CASC3: variants seen among roughly 807,000 people sequenced by gnomAD.
CASC3 encodes the protein protein CASC3.
In CASC3, 30 loss-of-function variants were observed where a neutral mutation model predicts 80.5. That is an observed-to-expected ratio of 0.37 (90% CI 0.28 to 0.51). The LOEUF is 0.51. CASC3 is among the 20% of genes least tolerant of loss of function. The pLI, the probability that CASC3 is intolerant of heterozygous loss-of-function variation, is 0.94. For synonymous variants in CASC3, 312 were observed against 333.6 expected, an observed-to-expected ratio of 0.94 and a Z score of 0.70; for missense variants, 824 against 922.2, an observed-to-expected ratio of 0.89 and a Z score of 1.38.
At chr17:40,144,658 C>CTTT (rs939136950) in intron 3 of CASC3, among the ~76,000 whole-genome samples, 4 of 119,114 alleles carry the variant, frequency 3.4e-5, no homozygotes, top group Non-Finnish European at 5.2e-5. Flanking sequence ...GCCCAGCCCT[C>CTTT]TTTTTTTTTT....
chr17:40,164,750 C>CTTTTTTTTT lies in CASC3; in HGVS notation c.1471+599_1471+607dup, dbSNP rs1022035416. 1.4e-3 allele frequency among the ~76,000 whole-genome samples: 105 copies of CTTTTTTTTT among 74,438 alleles called. 15 individuals are homozygous for CTTTTTTTTT. The highest frequency in any genetic ancestry group is 4.3e-3 in the African/African-American group (63 of 14,728). The allele number at this position is 74,438 out of a possible 152,430, so 48.8% of individuals were successfully genotyped here. A position where few individuals can be genotyped will look rare whatever the true frequency, so the allele number is the denominator to read the frequency against. Reference sequence around the variant, plus strand: ...GTGAGCCACAGCCACCGTGCCTGGCCTTTTTTTTTTTTTTTTTTTTTTTGT... The same window carrying CTTTTTTTTT: ...GTGAGCCACAGCCACCGTGCCTGGCCTTTTTTTTTTTTTTTTTTTTTTTTTTTTTTTTGT... On this transcript the variant is annotated intron_variant, in intron 7 of 13. Coordinates refer to ENST00000264645, the MANE Select transcript of CASC3 (RefSeq NM_007359.5).
intron 3 of CASC3, among the ~76,000 whole-genome samples, chr17:40,159,716 T>C (rs1297087109): frequency 7.2e-6 from 1 of 139,008 alleles, no homozygotes; most frequent in South Asian, 2.4e-4. Flanking sequence ...GGCGAATTTT[T>C]TTTTTTTTTT....
At chr17:40,161,587 G>A (rs1989300048) in intron 3 of CASC3, among the ~76,000 whole-genome samples, 166 bp from the exon 4 acceptor site, 1 of 152,144 alleles carries the variant, frequency 6.6e-6, no homozygotes, top group South Asian at 2.1e-4. Context: ...GCTGAGGCAG[G>A]AGAATTGCTT....
intron 3 of CASC3, among the ~76,000 whole-genome samples, chr17:40,157,399 G>A (rs1281087682): frequency 6.6e-6 from 1 of 151,670 alleles, no homozygotes; most frequent in African/African-American, 2.4e-5. Context: ...AAAGGGGCTG[G>A]GCGTGGTGCC....
intron 10 of CASC3, 30 bp from the exon 11 acceptor site, chr17:40,168,173 T>A: frequency 6.3e-7 from 1 of 1,588,314 alleles, no homozygotes; most frequent in Non-Finnish European, 8.6e-7. Flanking sequence ...TGTTACTTTA[T>A]TTTTCAGTTT....
intron 6 of CASC3, 35 bp downstream of exon 6, chr17:40,162,936 T>C (rs2145176492): frequency 6.3e-7 from 1 of 1,595,520 alleles, no homozygotes; most frequent in Non-Finnish European, 8.6e-7. Flanking sequence ...CCAGGCTGGG[T>C]ATGGTGGCTT....
intron 3 of CASC3, among the ~76,000 whole-genome samples, chr17:40,157,371 T>TAAATAAATAAATA (rs1555550453): frequency 7.3e-6 from 1 of 137,428 alleles, no homozygotes; most frequent in Non-Finnish European, 1.6e-5. Flanking sequence ...ATAAATAAAT[T>TAAATAAATAAATA]AATTAATTAA....
Position 40,162,867 on chromosome 17 carries a change from G to A in CASC3, c.751G>A (p.Asp251Asn). 6.2e-7 allele frequency: 1 copy of A among 1,614,016 alleles called. No individual in the cohort carries two copies. The highest frequency in any genetic ancestry group is 1.1e-5 in the South Asian group (1 of 91,076). The change falls in exon 6 of 14, where the codon GAT becomes AAT. Residue 251 changes from aspartate to asparagine, a missense_variant. Asp to Asn is a conservative substitution (Grantham distance 23, BLOSUM62 1). This residue lies in a region of CASC3 where 201 missense variants were observed against 294.1 expected (regional missense o/e 0.68). Transcript: ENST00000264645. ...GYDIRSAHNP[D>N]DIKPRRIRKP... Reference sequence around the variant, plus strand: ...TGACATTCGCTCAGCTCATAATCCTGATGACATCAAACCTCGAAGAATCCG... The same window carrying A: ...TGACATTCGCTCAGCTCATAATCCTAATGACATCAAACCTCGAAGAATCCG...
intron 13 of CASC3, among the ~76,000 whole-genome samples, 192 bp downstream of exon 13, chr17:40,169,854 C>G (rs1989552921): frequency 7.7e-6 from 1 of 129,858 alleles, no homozygotes; most frequent in African/African-American, 2.9e-5. Flanking sequence ...CTCCTGAGTT[C>G]AAGCGATTCT....
intron 13 of CASC3, among the ~76,000 whole-genome samples, chr17:40,170,127 AGTTT>A (rs1207239440): frequency 6.0e-5 from 9 of 151,096 alleles, no homozygotes; most frequent in East Asian, 1.9e-4. Context: ...GAAATTTGCC[AGTTT>A]GTTTGTTTGG....
At chr17:40,168,494 T>G in intron 11 of CASC3, 77 bp downstream of exon 11, 1 of 1,266,170 alleles carries the variant, frequency 7.9e-7, no homozygotes, top group Non-Finnish European at 1.1e-6. Flanking sequence ...GGGAGAATGC[T>G]AAAGGAATTT....
At chr17:40,162,488 C>G (rs1038128525) in intron 5 of CASC3, among the ~76,000 whole-genome samples, 6 of 152,134 alleles carry the variant, frequency 3.9e-5, no homozygotes, top group Non-Finnish European at 2.9e-5. Context: ...TACTGAATGG[C>G]ATGAAATGAA....
chr17:40,163,690 G>A lies in CASC3; in HGVS notation c.995G>A (p.Gly332Asp), dbSNP rs150678207. 3.7e-6 allele frequency: 6 copies of A among 1,614,062 alleles called. No individual in the cohort carries two copies. In the African/African-American group the frequency reaches 6.7e-5, roughly 18 times the overall value. ...GCTGGTTTTAGGCCTGTGGAAGCTG[G>A]TGGGCAGCATGGTGGCCGGTCTGGT... Reference protein sequence around the residue: ...GRAGFRPVEAGGQHGGRSGET... With the variant: ...GRAGFRPVEADGQHGGRSGET... The change falls in exon 7 of 14, where the codon GGT becomes GAT. Residue 332 changes from glycine (G) to aspartate (D), a missense_variant. Around this residue, in one of 3 missense-constraint regions of CASC3, gnomAD observed 464 missense variants for 506.0 expected, o/e 0.92. Transcript: ENST00000264645.
chr17:40,166,710 G>T, intron 7 of CASC3, 87 bp from the exon 8 acceptor site: 1 of 811,058 alleles, frequency 1.2e-6, no homozygotes, highest in South Asian at 1.9e-5. Flanking sequence ...TCCTTATGTT[G>T]ACACTTAAAC....
At chr17:40,161,687 A>G in intron 3 of CASC3, 66 bp from the exon 4 acceptor site, 1 of 1,389,166 alleles carries the variant, frequency 7.2e-7, no homozygotes, top group Non-Finnish European at 1.0e-6. Flanking sequence ...GGTTGGGGGC[A>G]GGGGTGGGAA....
rs1989580737 is a variant in CASC3, at chr17:40,171,041, A to G, written c.*636A>G. On this transcript the variant is annotated 3_prime_UTR_variant, in exon 14 of 14. Transcript: ENST00000264645. Reference sequence around the variant, plus strand: ...TAGTTGGCATTTGTTATCCTCTTGTATACTTGTATTCCCTTAACTCTAACC... The same window carrying G: ...TAGTTGGCATTTGTTATCCTCTTGTGTACTTGTATTCCCTTAACTCTAACC... 3 of 985,470 alleles carry G rather than the reference A, an allele frequency of 3.0e-6. No individual in the cohort carries two copies. The highest frequency in any genetic ancestry group is 3.6e-6 in the Non-Finnish European group (3 of 829,916). 61.0% of individuals were successfully genotyped at this position (985,470 alleles called of 1,614,324 possible). A position where few individuals can be genotyped will look rare whatever the true frequency, so the allele number is the denominator to read the frequency against.
rs1381599927 is a variant in CASC3 at position 40,145,700 on chromosome 17, A to G, written c.297+4093A>G. On this transcript the variant is annotated intron_variant, in intron 3 of 13. Coordinates refer to ENST00000264645, the MANE Select transcript of CASC3 (RefSeq NM_007359.5). The stretch of plus-strand genomic sequence containing the variant: ...TGTATCACTGTACTCCAGCCTGGGC[A>G]ACAGAGCAAGACCCTGTGTCAAAAA... Among the ~76,000 whole-genome samples the G allele has an allele frequency of 4.6e-5, 7 of 152,126 alleles. No homozygotes were observed. The South Asian group carries it at 1.4e-3, about 32-fold the overall frequency.
chr17:40,150,757 T>A (rs573393891), intron 3 of CASC3, among the ~76,000 whole-genome samples: 9,793 of 152,086 alleles, frequency 0.064, 679 homozygotes, highest in African/African-American at 0.17. Context: ...CTCATGCCTT[T>A]ATCCCAGCAC....
intron 3 of CASC3, among the ~76,000 whole-genome samples, chr17:40,143,081 T>C (rs868764968): frequency 1.4e-5 from 2 of 146,566 alleles, no homozygotes; most frequent in African/African-American, 5.2e-5. Context: ...AGTGAGACTC[T>C]GTCTCAAAAA....
Sources: gnomAD v4.1 joint callset for allele counts (sites outside exome capture counted in the v4.1 genomes callset) on GRCh38, gnomAD v4.1.1 for gene constraint, gnomAD v4.1.1 regional missense constraint, MANE v1.5 for transcripts, NCBI Gene and HGNC (gene_info 2026-07-23, HGNC 2026-07-21) for gene names.